XYLT1: variants seen among roughly 807,000 people sequenced by gnomAD.
The protein encoded by XYLT1 is beta-D-xylosyltransferase 1.
A neutral mutation model predicts 91.3 loss-of-function variants in XYLT1; 36 were observed. The ratio of observed to expected loss-of-function variants is 0.39; its 90% CI spans 0.30 to 0.52. The LOEUF (loss-of-function observed/expected upper bound fraction) is 0.52. Among genes scored for constraint, XYLT1 ranks in the 20% least tolerant of loss-of-function variants. The pLI, the probability that XYLT1 is intolerant of heterozygous loss-of-function variation, is 0.68. For synonymous variants in XYLT1, 588 were observed against 532.0 expected, an observed-to-expected ratio of 1.11 and a Z score of -1.45; for missense variants, 1,242 against 1,284.5, an observed-to-expected ratio of 0.97 and a Z score of 0.51.
chr16:17,118,410 A>G (rs2029929689), intron 10 of XYLT1, among the ~76,000 whole-genome samples: 1 of 152,070 alleles, frequency 6.6e-6, no homozygotes, highest in African/African-American at 2.4e-5. Flanking sequence ...ACACACCTCC[A>G]CTTGGTGCAA....
chr16:17,431,931 G>C (rs1241806652), intron 1 of XYLT1, among the ~76,000 whole-genome samples: 1 of 152,218 alleles, frequency 6.6e-6, no homozygotes, highest in African/African-American at 2.4e-5. Flanking sequence ...AATTTTGCTG[G>C]GGGATATAAT....
intron 2 of XYLT1, among the ~76,000 whole-genome samples, chr16:17,333,268 A>T (rs1421089670): frequency 1.3e-5 from 2 of 152,248 alleles, no homozygotes; most frequent in African/African-American, 2.4e-5. Flanking sequence ...AACCAAATAC[A>T]TCCTAAATAT....
rs140911793 is a variant in XYLT1, at chr16:17,333,587, A to ATTTTTTT, written c.402+24424_402+24425insAAAAAAA. ...TGAAATTAATTAATTAATTAATTTA[A>ATTTTTTT]TTTATTTTTTTTTTTTTTGAGATGA... On this transcript the variant is annotated intron_variant, in intron 2 of 11. Transcript: ENST00000261381. Among the ~76,000 whole-genome samples, 2 of 140,106 alleles carry ATTTTTTT rather than the reference A, an allele frequency of 1.4e-5. 1 individual carries two copies. The allele number at this position is 140,106 out of a possible 152,430, so 91.9% of individuals were successfully genotyped here. A position where few individuals can be genotyped will look rare whatever the true frequency, so the allele number is the denominator to read the frequency against.
At chr16:17,221,689 T>C (rs2032970435) in intron 3 of XYLT1, among the ~76,000 whole-genome samples, 1 of 152,118 alleles carries the variant, frequency 6.6e-6, no homozygotes. Flanking sequence ...CAGTGAGCTA[T>C]GATCACGCCA....
intron 2 of XYLT1, among the ~76,000 whole-genome samples, chr16:17,314,825 A>G (rs1356223350): frequency 6.6e-6 from 1 of 152,212 alleles, no homozygotes; most frequent in Non-Finnish European, 1.5e-5. Context: ...TAACTCATAT[A>G]CAACTTGACA....
intron 5 of XYLT1, among the ~76,000 whole-genome samples, chr16:17,160,676 C>T (rs1356893823): frequency 2.6e-5 from 4 of 152,240 alleles, no homozygotes; most frequent in East Asian, 1.9e-4. Flanking sequence ...AGGGGATGCT[C>T]GCAAAGGGCT....
intron 1 of XYLT1, among the ~76,000 whole-genome samples, chr16:17,417,505 C>G (rs981302503): frequency 6.6e-6 from 1 of 152,050 alleles, no homozygotes; most frequent in Non-Finnish European, 1.5e-5. Context: ...GCTCATCTCC[C>G]AGAGCCTCCT....
intron 5 of XYLT1, among the ~76,000 whole-genome samples, chr16:17,164,954 G>T (rs777535334): frequency 1.3e-5 from 2 of 152,118 alleles, no homozygotes; most frequent in Admixed American, 6.5e-5. Flanking sequence ...GTGACCCCAG[G>T]CACATGGCTC....
In XYLT1 at chr16:17,126,765, C is replaced by G. The variant is rs77751386; in HGVS notation, c.2223+901G>C. 7.9e-5 allele frequency among the ~76,000 whole-genome samples: 12 copies of G among 152,286 alleles called. No individual in the cohort carries two copies. In the East Asian group the frequency reaches 1.4e-3, roughly 17 times the overall value. On this transcript the variant is annotated intron_variant, in intron 10 of 11. Transcript: ENST00000261381. ...GTGCTGCAGTTTTGTGTGAATAACA[C>G]GCACCAGGCTTGATCATGCTTCCCC...
intron 9 of XYLT1, 104 bp downstream of exon 9, chr16:17,134,369 A>G (rs1022447705): frequency 1.4e-6 from 2 of 1,441,918 alleles, no homozygotes; most frequent in Admixed American, 3.9e-5. Context: ...ATAGGGTGGC[A>G]TTGCATTGCA....
intron 2 of XYLT1, among the ~76,000 whole-genome samples, chr16:17,260,395 G>A (rs2141759491): frequency 6.6e-6 from 1 of 152,220 alleles, no homozygotes; most frequent in Non-Finnish European, 1.5e-5. Flanking sequence ...TAATCTGAAA[G>A]CATATCCAAT....
intron 1 of XYLT1, among the ~76,000 whole-genome samples, chr16:17,464,913 G>A (rs1174218766): frequency 7.9e-5 from 12 of 151,970 alleles, no homozygotes; most frequent in Admixed American, 7.2e-4. Flanking sequence ...TTGGGAGGCC[G>A]AGGCGGGCGG....
intron 9 of XYLT1, among the ~76,000 whole-genome samples, chr16:17,133,309 G>T (rs1325187220): frequency 6.6e-6 from 1 of 151,946 alleles, no homozygotes; most frequent in Non-Finnish European, 1.5e-5. Context: ...AAAAAAAAAA[G>T]ATGCTATGTT....
At chr16:17,130,548 C>T (rs1156958522) in intron 9 of XYLT1, among the ~76,000 whole-genome samples, 2 of 152,158 alleles carry the variant, frequency 1.3e-5, no homozygotes, top group South Asian at 2.1e-4. Context: ...AACTGGCTCA[C>T]TGCAACCTCT....
At chr16:17,385,572 C>T (rs575814399) in intron 1 of XYLT1, among the ~76,000 whole-genome samples, 1 of 151,964 alleles carries the variant, frequency 6.6e-6, no homozygotes, top group Admixed American at 6.6e-5. Flanking sequence ...TTCCAATGCC[C>T]ATGCACTAGT....
chr16:17,335,664 A>C (rs2034969148), intron 2 of XYLT1, among the ~76,000 whole-genome samples: 1 of 150,072 alleles, frequency 6.7e-6, no homozygotes, highest in Non-Finnish European at 1.5e-5. Context: ...ATTGCACTCT[A>C]GCCTGGGCAA....
At chr16:17,321,566 C>A (rs542001380) in intron 2 of XYLT1, among the ~76,000 whole-genome samples, 1 of 152,014 alleles carries the variant, frequency 6.6e-6, no homozygotes, top group East Asian at 1.9e-4. Context: ...CCATGTTGGG[C>A]AGGCTGGTCT....
intron 1 of XYLT1, among the ~76,000 whole-genome samples, chr16:17,453,907 A>G (rs1198542531): frequency 2.0e-5 from 3 of 152,242 alleles, no homozygotes; most frequent in African/African-American, 7.2e-5. Context: ...AAAAGCAACT[A>G]AAGCAGTTGA....
intron 1 of XYLT1, among the ~76,000 whole-genome samples, chr16:17,431,116 C>T (rs2036384447): frequency 6.6e-6 from 1 of 152,180 alleles, no homozygotes; most frequent in Non-Finnish European, 1.5e-5. Flanking sequence ...GTGGCAGCTA[C>T]TCAGCTCTGC....
Sources: gnomAD v4.1 joint callset for allele counts (sites outside exome capture counted in the v4.1 genomes callset) on GRCh38, gnomAD v4.1.1 for gene constraint, MANE v1.5 for transcripts, NCBI Gene and HGNC (gene_info 2026-07-23, HGNC 2026-07-21) for gene names.